The following SNX31 variants were observed in gnomAD, a reference collection of about 807,000 sequenced individuals.
The protein encoded by SNX31 is sorting nexin-31.
In SNX31, 58 loss-of-function variants were observed where a neutral mutation model predicts 65.4. The ratio of observed to expected loss-of-function variants is 0.89; its 90% CI spans 0.72 to 1.10. The LOEUF (loss-of-function observed/expected upper bound fraction) is 1.10. Ranked by LOEUF, SNX31 falls within the 50% of genes least tolerant of loss-of-function variation. The pLI is 0.00. For synonymous variants in SNX31, 181 were observed against 190.1 expected, an observed-to-expected ratio of 0.95 and a Z score of 0.39; for missense variants, 523 against 529.7, an observed-to-expected ratio of 0.99 and a Z score of 0.12.
chr8:100,584,529 A>C (rs909331178), intron 11 of SNX31, among the ~76,000 whole-genome samples: 2 of 152,132 alleles, frequency 1.3e-5, no homozygotes, highest in Non-Finnish European at 2.9e-5. Flanking sequence ...ATAAACAATA[A>C]AAACTAATTA....
intron 10 of SNX31, among the ~76,000 whole-genome samples, chr8:100,589,297 G>A (rs1479379262): frequency 1.6e-4 from 18 of 110,404 alleles, no homozygotes; most frequent in African/African-American, 5.6e-4. Context: ...GTGAGACTTC[G>A]TCTCAAAAAA....
chr8:100,602,215 C>T (rs78889334), intron 8 of SNX31, among the ~76,000 whole-genome samples: 4,246 of 152,338 alleles, frequency 0.028, 228 homozygotes, highest in African/African-American at 0.094. Context: ...ATAAGCCTAT[C>T]TGCTACATCC....
At chr8:100,624,657 GA>G (rs1360971248) in intron 4 of SNX31, among the ~76,000 whole-genome samples, 3 of 152,184 alleles carry the variant, frequency 2.0e-5, no homozygotes, top group Non-Finnish European at 1.5e-5. Flanking sequence ...CTCTATTTGT[GA>G]TATTTGAATT....
intron 2 of SNX31, among the ~76,000 whole-genome samples, chr8:100,640,775 A>C (rs7820862): frequency 0.48 from 72,283 of 151,694 alleles, 17,488 homozygotes; most frequent in African/African-American, 0.55. Context: ...ACAAGTACTC[A>C]TCAGAATTAT....
intron 3 of SNX31, among the ~76,000 whole-genome samples, chr8:100,634,756 T>TAAAAAAAAAAA (rs548613299): frequency 5.2e-4 from 73 of 141,612 alleles, no homozygotes; most frequent in South Asian, 6.9e-4. Context: ...CTCTCTGTCT[T>TAAAAAAAAAAA]AAAAAAAAAA....
At chr8:100,628,593 G>A (rs565712925) in intron 4 of SNX31, among the ~76,000 whole-genome samples, 20 of 151,940 alleles carry the variant, frequency 1.3e-4, no homozygotes, top group African/African-American at 4.8e-4. Flanking sequence ...ACTGTTGTGG[G>A]GTGGGGGGAA....
intron 8 of SNX31, among the ~76,000 whole-genome samples, chr8:100,602,100 C>T (rs1286703556): frequency 6.6e-6 from 1 of 152,198 alleles, no homozygotes; most frequent in Admixed American, 6.5e-5. Context: ...TAAGGGAAGA[C>T]CCCGCGCCCG....
chr8:100,581,837 T>C (rs1813584931), intron 12 of SNX31, among the ~76,000 whole-genome samples: 2 of 152,166 alleles, frequency 1.3e-5, no homozygotes, highest in Admixed American at 1.3e-4. Context: ...TCGACTGTAC[T>C]TGTGAGGGGG....
In SNX31 at chr8:100,660,244, A is replaced by G. The variant is rs1438568279; in HGVS notation, c.-58+2898T>C. Among the ~76,000 whole-genome samples, 2 of 152,234 alleles carry G rather than the reference A, an allele frequency of 1.3e-5. No individual in the cohort carries two copies. The highest frequency in any genetic ancestry group is 4.8e-5 in the African/African-American group (2 of 41,464). On this transcript the variant is annotated intron_variant, in intron 1 of 5. Transcript: ENST00000520352. The surrounding 1 kb of genome is among the most constrained non-coding windows in gnomAD (Gnocchi z 4.1). ...TACCCACAGATTAGCTAATGGTATT[A>G]GCAGTAGTAATAATAGTAGAATGCT...
chr8:100,651,965 C>A (rs910733052), upstream of SNX31, among the ~76,000 whole-genome samples: 3 of 147,462 alleles, frequency 2.0e-5, no homozygotes, highest in Non-Finnish European at 4.5e-5. Flanking sequence ...GACAAGCGCA[C>A]CCTTTACAAG....
chr8:100,643,147 C>T (rs572258514), intron 2 of SNX31, among the ~76,000 whole-genome samples: 2 of 151,970 alleles, frequency 1.3e-5, no homozygotes, highest in East Asian at 1.9e-4. Flanking sequence ...GAGCTGAGAT[C>T]GCACCACCTC....
chr8:100,621,274 A>G (rs1817670897), intron 4 of SNX31, among the ~76,000 whole-genome samples: 1 of 152,198 alleles, frequency 6.6e-6, no homozygotes, highest in African/African-American at 2.4e-5. Flanking sequence ...GCTGGCCCAG[A>G]AGCCTGGCAC....
intron 12 of SNX31, among the ~76,000 whole-genome samples, chr8:100,581,368 TTA>T (rs1813541377): frequency 6.8e-6 from 1 of 147,630 alleles, no homozygotes; most frequent in African/African-American, 2.5e-5. Flanking sequence ...ATTTAAGAAC[TTA>T]ATATATTTTT....
At chr8:100,635,706 G>A (rs989804868) in intron 3 of SNX31, among the ~76,000 whole-genome samples, 191 bp downstream of exon 3, 8 of 152,124 alleles carry the variant, frequency 5.3e-5, no homozygotes, top group Non-Finnish European at 7.4e-5. Context: ...GAAAGAGGAA[G>A]TGATTGCCAA....
At chr8:100,587,979 G>C (rs568163505) in intron 11 of SNX31, among the ~76,000 whole-genome samples, 2 of 152,208 alleles carry the variant, frequency 1.3e-5, no homozygotes, top group African/African-American at 4.8e-5. Flanking sequence ...CTAGATGATA[G>C]AGCCTCCCAC....
rs1242703848 is a variant in SNX31, at chr8:100,618,198, G to T, written c.322-468C>A. On this transcript the variant is annotated intron_variant, in intron 4 of 13. Transcript: ENST00000311812. Reference sequence around the variant, plus strand: ...GCAGAGATTGGAAGGGTTGTTTTGTGGGGTATAGTGGAGGCAAGGCAAAGG... The same window carrying T: ...GCAGAGATTGGAAGGGTTGTTTTGTTGGGTATAGTGGAGGCAAGGCAAAGG... The T allele has an allele frequency of 2.1e-6, 3 of 1,428,372 alleles. No homozygotes were observed. The East Asian group carries it at 7.6e-5, about 36-fold the overall frequency. The allele number at this position is 1,428,372 out of a possible 1,614,324, so 88.5% of individuals were successfully genotyped here.
intron 12 of SNX31, among the ~76,000 whole-genome samples, chr8:100,582,813 TA>T (rs562100583): frequency 8.8e-4 from 126 of 143,212 alleles, no homozygotes; most frequent in Admixed American, 9.0e-4. Flanking sequence ...CTGTCTCTAC[TA>T]AAAAAAAAAA....
At chr8:100,658,534 G>A (rs1367834561) in intron 1 of SNX31, among the ~76,000 whole-genome samples, 2 of 151,920 alleles carry the variant, frequency 1.3e-5, no homozygotes, top group Non-Finnish European at 2.9e-5. Context: ...CACTACTCAG[G>A]GCACTTTACA....
chr8:100,661,981 C>T (rs552122478), intron 1 of SNX31, among the ~76,000 whole-genome samples: 2 of 152,234 alleles, frequency 1.3e-5, no homozygotes, highest in South Asian at 2.1e-4. Context: ...TGCACCTCCA[C>T]GTCCAGCTAA....
Sources: allele counts gnomAD v4.1 joint callset (sites outside exome capture counted in the v4.1 genomes callset), GRCh38; gene constraint gnomAD v4.1.1; non-coding constraint Gnocchi (gnomAD v3.1); transcripts MANE v1.5; gene names NCBI Gene and HGNC (gene_info 2026-07-23, HGNC 2026-07-21).